Variants in PRRC2C observed in about 807,000 individuals in gnomAD.
PRRC2C encodes the protein proline rich coiled-coil 2C, also known as protein PRRC2C.
In PRRC2C, 72 loss-of-function variants were observed where a neutral mutation model predicts 317.2. That is an observed-to-expected ratio of 0.23 (90% CI 0.19 to 0.28). The LOEUF (loss-of-function observed/expected upper bound fraction) is 0.28. PRRC2C is among the 10% of genes least tolerant of loss of function. The pLI, the probability that PRRC2C is intolerant of heterozygous loss-of-function variation, is 1.00. For missense variants in PRRC2C, 3,074 were observed against 3,459.7 expected (o/e 0.89, Z 2.80); for synonymous variants, 1,296 against 1,205.9 (o/e 1.07, Z -1.55).
At chr1:171,535,923 T>G in intron 13 of PRRC2C, 106 bp from the exon 14 acceptor site, 1 of 1,395,496 alleles carries the variant, frequency 7.2e-7, no homozygotes, top group East Asian at 2.5e-5. Flanking sequence ...GAACTCTTAC[T>G]TTTCCTTCAA....
intron 19 of PRRC2C, among the ~76,000 whole-genome samples, chr1:171,560,657 G>A (rs1015046469): frequency 2.6e-5 from 4 of 152,192 alleles, no homozygotes; most frequent in African/African-American, 4.8e-5. Context: ...CCTTTTTAGC[G>A]GTAGTTTTTT....
At chr1:171,580,814 A>G (rs1472696795) in intron 28 of PRRC2C, among the ~76,000 whole-genome samples, 5 of 152,242 alleles carry the variant, frequency 3.3e-5, no homozygotes. Context: ...TTAAATCATC[A>G]TAAAGAAAAA....
rs781534938 is a variant in PRRC2C at position 171,571,336 on chromosome 1, C to T, written c.6668C>T (p.Thr2223Ile). The change falls in exon 24 of 35, where the codon ACC becomes ATC. Residue 2223 changes from threonine to isoleucine, a missense_variant. Around this residue, in one of 11 missense-constraint regions of PRRC2C, gnomAD observed 640 missense variants for 676.1 expected, o/e 0.95. Transcript: ENST00000647382. ...CCTTTTCAGGTGCCCCTGCCCAACA[C>T]CCTTCCCCTCCCTAAGAGGGAGACT... ...TLVNNVPLPN[T>I]LPLPKRETIQ... 6.8e-6 allele frequency: 11 copies of T among 1,609,926 alleles called. No individual in the cohort carries two copies. In the Admixed American group the frequency reaches 1.8e-4, roughly 27 times the overall value.
chr1:171,558,041 G>A lies in PRRC2C; in HGVS notation c.5929G>A (p.Gly1977Arg). Residue 1977 changes from glycine (G) to arginine (R), a missense_variant, in exon 19 of 35, where the codon GGA becomes AGA. Transcript: ENST00000647382. ...TAATGGCACAGATTATGTAGCCTCA[G>A]GAAAATCCATCCAGACCCCACAGTC... ...TPNGTDYVASGKSIQTPQSHG... is the reference protein window; with the variant it reads ...TPNGTDYVASRKSIQTPQSHG... 6.2e-7 allele frequency: 1 copy of A among 1,613,952 alleles called. No homozygotes were observed. The highest frequency in any genetic ancestry group is 1.7e-5 in the Admixed American group (1 of 60,014).
chr1:171,576,842 C>T (rs1685777860), intron 25 of PRRC2C, among the ~76,000 whole-genome samples: 1 of 151,998 alleles, frequency 6.6e-6, no homozygotes, highest in Non-Finnish European at 1.5e-5. Flanking sequence ...ACAGGCACCA[C>T]CATGCCCAAC....
chr1:171,584,498 C>T lies in PRRC2C; in HGVS notation c.7721C>T (p.Thr2574Ile). 1 of 1,591,576 alleles carries T rather than the reference C, an allele frequency of 6.3e-7. No homozygotes were observed. ...QQPGQTNFYN[T>I]AQSPSALQQV... ...CCTGGTCAGACAAATTTTTATAACA[C>T]TGCCCAGTCACCAAGTGCTCTCCAG... is the stretch of plus-strand genomic sequence containing the variant. Residue 2574 changes from threonine to isoleucine, a missense_variant, in exon 30 of 35, where the codon ACT becomes ATT. Coordinates refer to ENST00000647382, the MANE Select transcript of PRRC2C (RefSeq NM_001387844.1).
At chr1:171,491,148 C>T (rs1169249230) in intron 1 of PRRC2C, among the ~76,000 whole-genome samples, 1 of 152,126 alleles carries the variant, frequency 6.6e-6, no homozygotes, top group African/African-American at 2.4e-5. Context: ...GATACGTTCC[C>T]TATAAGGTTG....
At position 171,577,546 on chromosome 1, in the gene PRRC2C, T is replaced by G. The variant is rs1389727298; in HGVS notation, c.7068T>G (p.Ser2356=). The G allele has an allele frequency of 1.9e-6, 3 of 1,613,624 alleles. No individual in the cohort carries two copies. Among genetic ancestry groups the G allele is most frequent in the Non-Finnish European group, 2.5e-6 (3 of 1,179,682 alleles). ...AGTTACAGACAAGCAGCCTGCCTTC[T>G]GCAAGTCATTTTTCACAGTTAAGCT... ...PQQLQTSSLP[S]ASHFSQLSCM... is the part of the protein sequence containing the mutation. Residue 2356 remains serine, a synonymous_variant, in exon 26 of 35, where the codon TCT becomes TCG. Transcript: ENST00000647382.
At position 171,540,249 on chromosome 1, in the gene PRRC2C, C is replaced by T. The variant is rs775022901; in HGVS notation, c.2783C>T (p.Ser928Phe). Residue 928 changes from serine to phenylalanine, a missense_variant, in exon 16 of 35, where the codon TCC (serine) becomes TTC (phenylalanine). Around this residue, in one of 11 missense-constraint regions of PRRC2C, gnomAD observed 1,320 missense variants for 1,395.7 expected, o/e 0.95. Coordinates refer to ENST00000647382, the MANE Select transcript of PRRC2C (RefSeq NM_001387844.1). ...ESQPSRKRSV[S>F]HGSNHTQKPD... The stretch of plus-strand genomic sequence containing the variant: ...CAGCCTTCCCGGAAAAGAAGTGTTT[C>T]CCATGGATCTAACCATACGCAAAAA... 8.1e-6 allele frequency: 13 copies of T among 1,613,748 alleles called. No homozygotes were observed. The highest frequency in any genetic ancestry group is 1.6e-4 in the Middle Eastern group (1 of 6,084).
At position 171,541,890 on chromosome 1, in the gene PRRC2C, G is replaced by C; in HGVS notation, c.4424G>C (p.Gly1475Ala). The change falls in exon 16 of 35, where the codon GGG becomes GCG. Residue 1475 changes from glycine to alanine, a missense_variant. By Grantham distance (60) the Gly-to-Ala change is moderately conservative (BLOSUM62 0). This residue lies in a region of PRRC2C where 1,320 missense variants were observed against 1,395.7 expected (regional missense o/e 0.95). Transcript: ENST00000647382. The surrounding 1 kb of genome is among the most constrained non-coding windows in gnomAD (Gnocchi z 4.1). ...GCTCAAGAACCAGTTAATACTCTTG[G>C]GGATATTTCCGGGAATAAGACACCA... ...NVAQEPVNTL[G>A]DISGNKTPDL... The C allele has an allele frequency of 6.2e-7, 1 of 1,613,718 alleles. No homozygotes were observed.
chr1:171,521,800 ATTACT>A (rs1466262718), intron 6 of PRRC2C, among the ~76,000 whole-genome samples: 10 of 152,184 alleles, frequency 6.6e-5, no homozygotes, highest in Non-Finnish European at 1.3e-4. Flanking sequence ...TGTTGATACA[ATTACT>A]TTAATGTAAT....
chr1:171,502,785 T>C (rs1232396081), intron 1 of PRRC2C, among the ~76,000 whole-genome samples: 3 of 152,164 alleles, frequency 2.0e-5, no homozygotes, highest in Non-Finnish European at 4.4e-5. Context: ...GTGCAAAGGC[T>C]CGATCTTGGC....
In PRRC2C at chr1:171,566,781, A is replaced by G. The variant is rs773641408; in HGVS notation, c.6496A>G (p.Met2166Val). Reference sequence around the variant, plus strand: ...AAAGGAGACTAAAGCAGTCTCAGAAATGTCTACTGAAATAGGAACAATGAT... The same window carrying G: ...AAAGGAGACTAAAGCAGTCTCAGAAGTGTCTACTGAAATAGGAACAATGAT... ...TTKETKAVSEMSTEIGTMISV... is the reference protein window; with the variant it reads ...TTKETKAVSEVSTEIGTMISV... The change falls in exon 22 of 35, where the codon ATG (methionine) becomes GTG (valine). Residue 2166 changes from methionine (M) to valine (V), a missense_variant. This residue lies in a region of PRRC2C where 640 missense variants were observed against 676.1 expected (regional missense o/e 0.95). Coordinates refer to ENST00000647382, the MANE Select transcript of PRRC2C (RefSeq NM_001387844.1). 14 of 1,613,770 alleles carry G rather than the reference A, an allele frequency of 8.7e-6. No individual in the cohort carries two copies. The South Asian group carries it at 1.5e-4, about 18-fold the overall frequency.
chr1:171,552,276 T>A (rs1428066026), intron 18 of PRRC2C, among the ~76,000 whole-genome samples: 1 of 152,198 alleles, frequency 6.6e-6, no homozygotes, highest in Non-Finnish European at 1.5e-5. Flanking sequence ...CTGTTATTGG[T>A]GTATAGGAAT....
At chr1:171,569,502 T>G (rs1684306414) in intron 23 of PRRC2C, among the ~76,000 whole-genome samples, 1 of 148,128 alleles carries the variant, frequency 6.8e-6, no homozygotes, top group South Asian at 2.2e-4. Flanking sequence ...TGTTGAGAGC[T>G]CTCTAGGAGC....
chr1:171,551,305 TGG>T (rs940606706), intron 18 of PRRC2C, among the ~76,000 whole-genome samples: 1 of 152,178 alleles, frequency 6.6e-6, no homozygotes, highest in African/African-American at 2.4e-5. Flanking sequence ...CACTTTTTGA[TGG>T]GGTTGTTTGA....
rs1431873458 is a variant in PRRC2C at position 171,532,955 on chromosome 1, A to G, written c.1867A>G (p.Asn623Asp). The G allele has an allele frequency of 6.5e-7, 1 of 1,549,190 alleles. No individual in the cohort carries two copies. The highest frequency in any genetic ancestry group is 1.3e-5 in the South Asian group (1 of 78,138). The stretch of plus-strand genomic sequence containing the variant: ...AAAACAAGAAAGTGAAAACAGCTGT[A>G]ATAAAGGTTTGATAGTATTCTTCAT... Reference protein sequence around the residue: ...VEKQESENSCNKEEEPVFTRQ... With the variant: ...VEKQESENSCDKEEEPVFTRQ... The change falls in exon 12 of 35, where the codon AAT becomes GAT. Residue 623 changes from asparagine to aspartate, a missense_variant. Physicochemically the swap from Asn to Asp is conservative, Grantham distance 23. This residue lies in a region of PRRC2C where 1,320 missense variants were observed against 1,395.7 expected (regional missense o/e 0.95). Transcript: ENST00000647382.
At position 171,532,758 on chromosome 1, in the gene PRRC2C, T is replaced by C. The variant is rs368600070; in HGVS notation, c.1670T>C (p.Met557Thr). ...LEKEQEKQRE[M>T]EKERKQEKEK... The stretch of plus-strand genomic sequence containing the variant: ...AAGGAGCAGGAAAAACAAAGAGAAA[T>C]GGAGAAAGAAAGAAAGCAAGAAAAA... The change falls in exon 12 of 35, where the codon ATG (methionine) becomes ACG (threonine). Residue 557 changes from methionine to threonine, a missense_variant. By Grantham distance (81) the Met-to-Thr change is moderately conservative. This residue lies in a region of PRRC2C where 1,320 missense variants were observed against 1,395.7 expected (regional missense o/e 0.95). Transcript: ENST00000647382. 16 of 1,512,092 alleles carry C rather than the reference T, an allele frequency of 1.1e-5. No individual in the cohort carries two copies. In the African/African-American group the frequency reaches 2.1e-4, roughly 20 times the overall value. 93.7% of individuals were successfully genotyped at this position (1,512,092 alleles called of 1,614,324 possible). A position where few individuals can be genotyped will look rare whatever the true frequency, so the allele number is the denominator to read the frequency against.
chr1:171,488,982 A>G (rs946091148), intron 1 of PRRC2C, among the ~76,000 whole-genome samples: 16 of 152,212 alleles, frequency 1.1e-4, no homozygotes, highest in Non-Finnish European at 5.9e-5. Flanking sequence ...CATACTACAT[A>G]GCAATATGTA....
Sources: allele counts gnomAD v4.1 joint callset (sites outside exome capture counted in the v4.1 genomes callset), GRCh38; gene constraint gnomAD v4.1.1; regional missense constraint gnomAD v4.1.1; non-coding constraint Gnocchi (gnomAD v3.1); transcripts MANE v1.5; gene names NCBI Gene and HGNC (gene_info 2026-07-23, HGNC 2026-07-21).